Variants in THOC1 observed in about 807,000 individuals in gnomAD.
THOC1 encodes the protein THO complex 1.
In THOC1, 29 loss-of-function variants were observed where a neutral mutation model predicts 97.3. The observed-to-expected ratio is 0.30, with a 90% CI of 0.22 to 0.41. The LOEUF (loss-of-function observed/expected upper bound fraction) is 0.41. THOC1 is among the 10% of genes least tolerant of loss of function. The probability of loss-of-function intolerance (pLI) is 1.00; values close to 1 mark genes in which losing one functional copy is unlikely to be tolerated. For missense variants in THOC1, 529 were observed against 761.9 expected (o/e 0.69, Z 3.60); for synonymous variants, 255 against 257.0 (o/e 0.99, Z 0.07).
chr18:231,771 T>A (rs1911493589), intron 11 of THOC1, among the ~76,000 whole-genome samples: 1 of 152,216 alleles, frequency 6.6e-6, no homozygotes, highest in African/African-American at 2.4e-5. Context: ...GGTTAGGATT[T>A]TTATACACAT....
At chr18:214,957 C>T in intron 20 of THOC1, 36 bp from the exon 21 acceptor site, 1 of 1,596,960 alleles carries the variant, frequency 6.3e-7, no homozygotes. Flanking sequence ...ATGCGCAATT[C>T]TAAGTATACA....
chr18:255,743 T>C (rs1912417009), intron 7 of THOC1, among the ~76,000 whole-genome samples: 1 of 152,214 alleles, frequency 6.6e-6, no homozygotes, highest in Non-Finnish European at 1.5e-5. Context: ...TTTAGGACTT[T>C]CATAGCTAGA....
chr18:229,144 A>C (rs1911396206), intron 11 of THOC1, among the ~76,000 whole-genome samples: 1 of 152,144 alleles, frequency 6.6e-6, no homozygotes, highest in Admixed American at 6.5e-5. Flanking sequence ...ATTACCTTCC[A>C]TCTGGAATCC....
Position 216,585 on chromosome 18 carries a change from T to C in THOC1, c.1503A>G (p.Ala501=). The C allele has an allele frequency of 6.2e-7, 1 of 1,613,982 alleles. No individual in the cohort carries two copies. Among genetic ancestry groups the C allele is most frequent in the Non-Finnish European group, 8.5e-7 (1 of 1,179,884 alleles). The change falls in exon 19 of 21, where the codon GCA becomes GCG. Residue 501 remains alanine, a synonymous_variant. Coordinates refer to ENST00000261600, the MANE Select transcript of THOC1 (RefSeq NM_005131.3). ...GCTGGAAGAAGTGAGGGCTTCTCCGTGCTAATAGTCTCAGGGCTCTCCAAC... is the reference window on the plus strand; with the variant it reads ...GCTGGAAGAAGTGAGGGCTTCTCCGCGCTAATAGTCTCAGGGCTCTCCAAC... The part of the protein sequence containing the change: ...NYGWRALRLL[A]RRSPHFFQPT...
chr18:228,113 A>T (rs1911360037), intron 11 of THOC1, among the ~76,000 whole-genome samples: 1 of 151,990 alleles, frequency 6.6e-6, no homozygotes, highest in Non-Finnish European at 1.5e-5. Flanking sequence ...GACTGTCTCC[A>T]CTCAGGCTGT....
At chr18:225,033 TCCTCTG>T in intron 14 of THOC1, 39 bp from the exon 15 acceptor site, 1 of 1,564,570 alleles carries the variant, frequency 6.4e-7, no homozygotes. Flanking sequence ...GTTAGTGGAA[TCCTCTG>T]AAGTTCTATT....
At chr18:248,438 G>A (rs1912165392) in intron 9 of THOC1, among the ~76,000 whole-genome samples, 1 of 152,176 alleles carries the variant, frequency 6.6e-6, no homozygotes, top group South Asian at 2.1e-4. Flanking sequence ...CTGGGTCTAG[G>A]CAATCTCACC....
At chr18:233,228 A>G (rs1911553285) in intron 11 of THOC1, among the ~76,000 whole-genome samples, 1 of 152,202 alleles carries the variant, frequency 6.6e-6, no homozygotes, top group South Asian at 2.1e-4. Flanking sequence ...CCTAGAATTG[A>G]CTGTACTGAG....
Position 218,920 on chromosome 18 carries a change from C to T in THOC1, c.1420G>A (p.Ala474Thr), listed in dbSNP as rs1229070882. 3.7e-6 allele frequency: 6 copies of T among 1,605,690 alleles called. No homozygotes were observed. The highest frequency in any genetic ancestry group is 5.1e-6 in the Non-Finnish European group (6 of 1,175,510). ...TTTTCCACCATATTTTCAGGGTCTGCCTGTTCAATGGCTTCTTCAAAGAAT... is the reference window on the plus strand; with the variant it reads ...TTTTCCACCATATTTTCAGGGTCTGTCTGTTCAATGGCTTCTTCAAAGAAT... ...EEFFEEAIEQ[A>T]DPENMVENEY... The change falls in exon 18 of 21, where the codon GCA becomes ACA. Residue 474 changes from alanine to threonine, a missense_variant. Physicochemically the swap from Ala to Thr is moderately conservative, Grantham distance 58. This residue lies in a region of THOC1 where 123 missense variants were observed against 159.0 expected (regional missense o/e 0.77). Coordinates refer to ENST00000261600, the MANE Select transcript of THOC1 (RefSeq NM_005131.3).
At chr18:235,167 C>T (rs963925338) in intron 11 of THOC1, among the ~76,000 whole-genome samples, 11 of 145,484 alleles carry the variant, frequency 7.6e-5, no homozygotes, top group Non-Finnish European at 3.0e-5. Flanking sequence ...AAAATTTATT[C>T]GTAGTTGTTC....
At position 247,859 on chromosome 18, in the gene THOC1, G is replaced by A. The variant is rs373006315; in HGVS notation, c.776C>T (p.Thr259Ile). 6.2e-7 allele frequency: 1 copy of A among 1,606,266 alleles called. No individual in the cohort carries two copies. The highest frequency in any genetic ancestry group is 8.5e-7 in the Non-Finnish European group (1 of 1,176,846). Residue 259 changes from threonine to isoleucine, a missense_variant, in exon 10 of 21, where the codon ACT (threonine) becomes ATT (isoleucine). By Grantham distance (89) the Thr-to-Ile change is moderately conservative. Coordinates refer to ENST00000261600, the MANE Select transcript of THOC1 (RefSeq NM_005131.3). ...TCAATGGCAACTTACCTTGAGAAAA[G>A]TTTTCCATGAAATCTTCTCATAGCA... ...VQCYEKISWKTFLKYSEEVLA... is the reference protein window; with the variant it reads ...VQCYEKISWKIFLKYSEEVLA...
At chr18:259,404 C>A in intron 6 of THOC1, 129 bp from the exon 7 acceptor site, 2 of 760,160 alleles carry the variant, frequency 2.6e-6, no homozygotes, top group East Asian at 3.0e-5. Context: ...AATTGGGGGC[C>A]GAAACCACTG....
intron 11 of THOC1, among the ~76,000 whole-genome samples, chr18:236,302 C>A (rs1009096362): frequency 2.0e-5 from 3 of 150,032 alleles, no homozygotes; most frequent in Non-Finnish European, 4.4e-5. Context: ...TACTGAAAAT[C>A]ATGGAATTAC....
At chr18:223,275 G>A (rs1269037321) in intron 17 of THOC1, among the ~76,000 whole-genome samples, 165 bp downstream of exon 17, 1 of 152,052 alleles carries the variant, frequency 6.6e-6, no homozygotes, top group Non-Finnish European at 1.5e-5. Flanking sequence ...TATTTTATCA[G>A]CACTTTGAGG....
At position 218,821 on chromosome 18, in the gene THOC1, A is replaced by G. The variant is rs1412858530; in HGVS notation, c.1454+65T>C. 2.9e-6 allele frequency: 4 copies of G among 1,376,154 alleles called. No individual in the cohort carries two copies. In the East Asian group the frequency reaches 9.9e-5, roughly 34 times the overall value. 85.2% of individuals were successfully genotyped at this position (1,376,154 alleles called of 1,614,324 possible). ...TCTCTTAAGAGGCTTTCTAGTATACACACAATTCCTAAGGAAGAAACAAAT... is the reference window on the plus strand; with the variant it reads ...TCTCTTAAGAGGCTTTCTAGTATACGCACAATTCCTAAGGAAGAAACAAAT... On this transcript the variant is annotated intron_variant, in intron 18 of 20. Coordinates refer to ENST00000261600, the MANE Select transcript of THOC1 (RefSeq NM_005131.3).
At chr18:251,565 G>GAA (rs138239960) in intron 9 of THOC1, among the ~76,000 whole-genome samples, 3 of 150,766 alleles carry the variant, frequency 2.0e-5, no homozygotes, top group South Asian at 4.2e-4. Context: ...ACGTTGATGA[G>GAA]AAAAAAAAAA....
At position 268,007 on chromosome 18, in the gene THOC1, G is replaced by T; in HGVS notation, c.13C>A (p.Pro5Thr). 6.2e-7 allele frequency: 1 copy of T among 1,607,864 alleles called. No homozygotes were observed. Among genetic ancestry groups the T allele is most frequent in the Non-Finnish European group, 8.5e-7 (1 of 1,177,530 alleles). MSPT[P>T]PLFSLPEART... ...GCTTCGGGCAAACTGAAGAGCGGCGGCGTCGGAGACATCTTCTCGGCTGCG... is the reference window on the plus strand; with the variant it reads ...GCTTCGGGCAAACTGAAGAGCGGCGTCGTCGGAGACATCTTCTCGGCTGCG... Residue 5 changes from proline to threonine, a missense_variant, in exon 1 of 21, where the codon CCG becomes ACG. Pro to Thr is a conservative substitution (Grantham distance 38, BLOSUM62 -1). Transcript: ENST00000261600.
chr18:223,298 G>A, intron 17 of THOC1, 142 bp downstream of exon 17: 1 of 568,710 alleles, frequency 1.8e-6, no homozygotes, highest in South Asian at 2.7e-5. Flanking sequence ...TTTTATGGTG[G>A]GAAGTTACAC....
chr18:236,204 A>T (rs1055080589), intron 11 of THOC1, among the ~76,000 whole-genome samples: 34 of 152,148 alleles, frequency 2.2e-4, no homozygotes, highest in African/African-American at 8.2e-4. Context: ...TTGTGGATAC[A>T]AACTGCTCCA....
Sources: gnomAD v4.1 joint callset for allele counts (sites outside exome capture counted in the v4.1 genomes callset) on GRCh38, gnomAD v4.1.1 for gene constraint, gnomAD v4.1.1 regional missense constraint, MANE v1.5 for transcripts, NCBI Gene and HGNC (gene_info 2026-07-23, HGNC 2026-07-21) for gene names.